Variants in MOV10L1 observed in about 807,000 individuals in gnomAD.
The protein encoded by MOV10L1 is RNA helicase Mov10l1.
In MOV10L1, 110 loss-of-function variants were observed where a neutral mutation model predicts 143.8. The observed-to-expected ratio is 0.76, with a 90% confidence interval of 0.66 to 0.90. The LOEUF (loss-of-function observed/expected upper bound fraction) is 0.90. Among genes scored for constraint, MOV10L1 ranks in the 40% least tolerant of loss-of-function variants. The pLI is 0.00. For synonymous variants in MOV10L1, 593 were observed against 581.1 expected, an observed-to-expected ratio of 1.02 and a Z score of -0.29; for missense variants, 1,406 against 1,526.8, an observed-to-expected ratio of 0.92 and a Z score of 1.32.
chr22:50,129,206 G>A (rs1162916087), intron 13 of MOV10L1, among the ~76,000 whole-genome samples: 2 of 152,212 alleles, frequency 1.3e-5, no homozygotes, highest in African/African-American at 4.8e-5. Flanking sequence ...CATGTGCACC[G>A]GATCTTTGGT....
At chr22:50,090,235 G>A in intron 1 of MOV10L1, 50 bp downstream of exon 1, 1 of 1,402,310 alleles carries the variant, frequency 7.1e-7, no homozygotes, top group South Asian at 1.6e-5. Context: ...CTCGCGTGTC[G>A]GCCACGAGGG....
intron 2 of MOV10L1, chr22:50,093,968 A>T (rs2062522061): frequency 6.6e-6 from 1 of 152,234 alleles, no homozygotes; most frequent in African/African-American, 2.4e-5. Flanking sequence ...ATGTATCAGA[A>T]TCCCACCTGC....
At chr22:50,134,728 A>G in intron 15 of MOV10L1, 98 bp downstream of exon 15, 2 of 1,024,228 alleles carry the variant, frequency 2.0e-6, no homozygotes, top group Non-Finnish European at 3.0e-6. Flanking sequence ...CTGTCTCTAC[A>G]CAGGGGATGG....
rs2062910664 is a variant in MOV10L1 at position 50,139,040 on chromosome 22, T to A, written c.2071-3041T>A. ...TTTTTTAAGTAGCACCTAAATGTTTTAAACATTAGGGATACATCTGACAAA... is the reference window on the plus strand; with the variant it reads ...TTTTTTAAGTAGCACCTAAATGTTTAAAACATTAGGGATACATCTGACAAA... On this transcript the variant is annotated intron_variant, in intron 15 of 26. Coordinates refer to ENST00000262794, the MANE Select transcript of MOV10L1 (RefSeq NM_018995.3). Among the ~76,000 whole-genome samples the A allele has an allele frequency of 4.6e-5, 7 of 152,074 alleles. No individual in the cohort carries two copies. In the South Asian group the frequency reaches 1.5e-3, roughly 32 times the overall value.
At chr22:50,118,750 G>A (rs1003070464) in intron 9 of MOV10L1, among the ~76,000 whole-genome samples, 10 of 152,152 alleles carry the variant, frequency 6.6e-5, no homozygotes, top group East Asian at 3.8e-4. Flanking sequence ...CATGAAACAC[G>A]GTGGGAATCC....
intron 20 of MOV10L1, among the ~76,000 whole-genome samples, chr22:50,149,983 G>C (rs1287286443): frequency 6.6e-6 from 1 of 152,246 alleles, no homozygotes; most frequent in East Asian, 1.9e-4. Context: ...TGTGGTCCCT[G>C]CTCTGGGTGA....
intron 3 of MOV10L1, among the ~76,000 whole-genome samples, chr22:50,104,198 G>A (rs1233820893): frequency 6.6e-6 from 1 of 152,196 alleles, no homozygotes; most frequent in East Asian, 1.9e-4. Context: ...GCTGTAATGT[G>A]AGCAATGGGG....
chr22:50,117,573 G>T (rs554784359), intron 9 of MOV10L1, among the ~76,000 whole-genome samples: 25 of 152,292 alleles, frequency 1.6e-4, no homozygotes, highest in Middle Eastern at 6.8e-3. Flanking sequence ...CAGCAGCAGC[G>T]TGAAGCCCAA....
intron 15 of MOV10L1, among the ~76,000 whole-genome samples, chr22:50,139,645 C>T (rs1199427448): frequency 2.6e-5 from 4 of 152,046 alleles, no homozygotes; most frequent in South Asian, 2.1e-4. Context: ...AACTTGTATT[C>T]GGAAAACATA....
At chr22:50,134,705 C>G (rs2062773115) in intron 15 of MOV10L1, 75 bp downstream of exon 15, 10 of 1,297,896 alleles carry the variant, frequency 7.7e-6, no homozygotes, top group Admixed American at 1.7e-5. Flanking sequence ...TAGGGGGTGG[C>G]TCAGCGGCGT....
intron 10 of MOV10L1, among the ~76,000 whole-genome samples, chr22:50,121,537 T>G (rs901592141): frequency 1.3e-5 from 2 of 152,198 alleles, no homozygotes; most frequent in East Asian, 3.9e-4. Flanking sequence ...AGGTGCAAAT[T>G]CAATCCACTG....
rs537549063 is a variant in MOV10L1, at chr22:50,144,783, G to A, written c.2505+540G>A. Among the ~76,000 whole-genome samples the A allele has an allele frequency of 4.2e-3, 635 of 152,006 alleles. 3 individuals are homozygous for A. Among genetic ancestry groups the A allele is most frequent in the African/African-American group, 0.014 (580 of 41,482 alleles). ...TTTTTAGTAGAGACGGAGTTTCACC[G>A]TGTTAGCCAGGATGGTCTCGATCTC... On this transcript the variant is annotated intron_variant, in intron 18 of 26. Coordinates refer to ENST00000262794, the MANE Select transcript of MOV10L1 (RefSeq NM_018995.3).
At chr22:50,143,973 G>A in intron 17 of MOV10L1, 124 bp from the exon 18 acceptor site, 1 of 1,265,134 alleles carries the variant, frequency 7.9e-7, no homozygotes, top group Non-Finnish European at 1.1e-6. Flanking sequence ...GTGTGTTGGG[G>A]GCTGGCATCT....
rs530687133 is a variant in MOV10L1, at chr22:50,125,827, G to A, written c.1747+258G>A. ...TTTTGAGGTGGAGTCTCGCTGTGTC[G>A]CCCAGGCTGGAGTGCAGTGGCGCAA... is the stretch of plus-strand genomic sequence containing the variant. On this transcript the variant is annotated intron_variant, in intron 11 of 26. Coordinates refer to ENST00000262794, the MANE Select transcript of MOV10L1 (RefSeq NM_018995.3). Among the ~76,000 whole-genome samples the A allele has an allele frequency of 1.2e-4, 18 of 151,798 alleles. No homozygotes were observed. In the East Asian group the frequency reaches 2.7e-3, roughly 23 times the overall value.
intron 10 of MOV10L1, among the ~76,000 whole-genome samples, chr22:50,122,053 G>C (rs1341624775): frequency 6.6e-6 from 1 of 152,102 alleles, no homozygotes; most frequent in Admixed American, 6.6e-5. Flanking sequence ...GCCTCCCAAA[G>C]TGCTTGGGAT....
Position 50,115,219 on chromosome 22 carries a change from C to A in MOV10L1, c.1232C>A (p.Thr411Asn), listed in dbSNP as rs766951729. 131 of 1,536,892 alleles carry A rather than the reference C, an allele frequency of 8.5e-5. No homozygotes were observed. Among genetic ancestry groups the A allele is most frequent in the Non-Finnish European group, 1.1e-4 (127 of 1,152,776 alleles). Residue 411 changes from threonine (T) to asparagine (N), a missense_variant, in exon 8 of 27, where the codon ACC becomes AAC. Transcript: ENST00000262794. ...PGGLVPPGGK[T>N]FIVVICDGKN... ...GGGCTTGTCCCTCCAGGGGGAAAAA[C>A]CTTCATTGTGGTCATCTGTGACGGA...
At chr22:50,136,826 A>G (rs999193987) in intron 15 of MOV10L1, among the ~76,000 whole-genome samples, 1 of 152,234 alleles carries the variant, frequency 6.6e-6, no homozygotes, top group Non-Finnish European at 1.5e-5. Flanking sequence ...GAAAAGAACC[A>G]GCTGGAAGGA....
chr22:50,136,817 A>T (rs541767024), intron 15 of MOV10L1, among the ~76,000 whole-genome samples: 1 of 152,338 alleles, frequency 6.6e-6, no homozygotes, highest in East Asian at 1.9e-4. Flanking sequence ...CCAGGCCTGG[A>T]AAAGAACCAG....
Position 50,161,673 on chromosome 22 carries a change from C to A in MOV10L1, c.*224C>A. On this transcript the variant is annotated 3_prime_UTR_variant, in exon 27 of 27. Coordinates refer to ENST00000262794, the MANE Select transcript of MOV10L1 (RefSeq NM_018995.3). ...ACTGCCGCCTACCCTGAAATAAACC[C>A]TCGAGTGACCCCCAGAAGCCTTTCC... is the stretch of plus-strand genomic sequence containing the variant. 2.0e-6 allele frequency: 1 copy of A among 506,752 alleles called. No individual in the cohort carries two copies. Among genetic ancestry groups the A allele is most frequent in the South Asian group, 2.8e-5 (1 of 35,584 alleles). 31.4% of individuals were successfully genotyped at this position (506,752 alleles called of 1,614,324 possible).
Sources: gnomAD v4.1 joint callset for allele counts (sites outside exome capture counted in the v4.1 genomes callset) on GRCh38, gnomAD v4.1.1 for gene constraint, MANE v1.5 for transcripts, NCBI Gene and HGNC (gene_info 2026-07-23, HGNC 2026-07-21) for gene names.